TAFA1: variants seen among roughly 807,000 people sequenced by gnomAD.
TAFA1 encodes the protein TAFA chemokine like family member 1, also known as chemokine-like protein TAFA-1.
Under a neutral mutation model 18.5 loss-of-function variants are expected in TAFA1, and 4 were observed. That is an observed-to-expected ratio of 0.22 (90% CI 0.11 to 0.49). The LOEUF (loss-of-function observed/expected upper bound fraction) is 0.49. Among genes scored for constraint, TAFA1 ranks in the 20% least tolerant of loss-of-function variants. TAFA1 has a pLI of 0.98. For missense variants in TAFA1, 147 were observed against 169.0 expected, an observed-to-expected ratio of 0.87 and a Z score of 0.72; for synonymous variants, 56 against 55.2, an observed-to-expected ratio of 1.01 and a Z score of -0.06.
At chr3:68,493,283 G>T (rs927995719) in intron 3 of TAFA1, among the ~76,000 whole-genome samples, 23 of 152,234 alleles carry the variant, frequency 1.5e-4, no homozygotes, top group African/African-American at 5.5e-4. Flanking sequence ...TTAGCATAAA[G>T]TCCTCAAGGT....
chr3:68,525,792 T>C (rs1432747170), intron 3 of TAFA1, among the ~76,000 whole-genome samples: 1 of 152,174 alleles, frequency 6.6e-6, no homozygotes, highest in African/African-American at 2.4e-5. Context: ...AAGATATCAG[T>C]CTCCCCTAGA....
Position 68,067,889 on chromosome 3 carries a change from T to A in TAFA1, c.118+61145T>A, listed in dbSNP as rs560431568. Reference sequence around the variant, plus strand: ...GTAGAAAGACAGATTCATAAACAATTATAATAAGGAAAAATACTTACTCTA... The same window carrying A: ...GTAGAAAGACAGATTCATAAACAATAATAATAAGGAAAAATACTTACTCTA... On this transcript the variant is annotated intron_variant, in intron 2 of 4. Transcript: ENST00000478136. Among the ~76,000 whole-genome samples, 4 of 152,020 alleles carry A rather than the reference T, an allele frequency of 2.6e-5. No homozygotes were observed. The South Asian group carries it at 8.3e-4, about 32-fold the overall frequency.
intron 2 of TAFA1, among the ~76,000 whole-genome samples, chr3:68,131,096 C>T (rs2065530791): frequency 1.3e-5 from 2 of 152,158 alleles, no homozygotes. Flanking sequence ...GAAATAAGCA[C>T]ATAAGGAATG....
At chr3:68,390,778 G>A (rs1237087164) in intron 2 of TAFA1, among the ~76,000 whole-genome samples, 10 of 152,202 alleles carry the variant, frequency 6.6e-5, no homozygotes, top group Non-Finnish European at 1.3e-4. Flanking sequence ...CTGACTGTTA[G>A]AAGAAAAACT....
chr3:68,004,408 C>T lies in TAFA1; in HGVS notation c.-298C>T, dbSNP rs1226890694. The stretch of plus-strand genomic sequence containing the variant: ...CTCCCCATCACTTCAAAGGTCTCGT[C>T]AGGCAGAGGTGACGCCAGGAGATGA... On this transcript the variant is annotated 5_prime_UTR_variant, in exon 1 of 5. Coordinates refer to ENST00000478136, the MANE Select transcript of TAFA1 (RefSeq NM_213609.4). 1 of 152,146 alleles carries T rather than the reference C, an allele frequency of 6.6e-6. No homozygotes were observed. The highest frequency in any genetic ancestry group is 1.5e-5 in the Non-Finnish European group (1 of 68,030). The allele number at this position is 152,146 out of a possible 1,614,324, so 9.4% of individuals were successfully genotyped here.
intron 2 of TAFA1, among the ~76,000 whole-genome samples, chr3:68,396,077 A>G (rs2070378599): frequency 6.6e-6 from 1 of 152,078 alleles, no homozygotes; most frequent in African/African-American, 2.4e-5. Context: ...AAATGTTTGT[A>G]GATTTACTTT....
chr3:68,041,662 C>T (rs564898098), intron 2 of TAFA1, among the ~76,000 whole-genome samples: 2 of 152,330 alleles, frequency 1.3e-5, no homozygotes, highest in South Asian at 4.1e-4. Context: ...TGTGGAGAAG[C>T]AGGACAGTCA....
intron 2 of TAFA1, among the ~76,000 whole-genome samples, chr3:68,153,015 A>G (rs543953087): frequency 6.6e-6 from 1 of 152,220 alleles, no homozygotes; most frequent in South Asian, 2.1e-4. Flanking sequence ...CCCCAAAGGG[A>G]AGTTGAGTCT....
At chr3:68,174,574 C>T (rs1272102102) in intron 2 of TAFA1, among the ~76,000 whole-genome samples, 1 of 152,114 alleles carries the variant, frequency 6.6e-6, no homozygotes, top group Admixed American at 6.6e-5. Flanking sequence ...CTGCCCTAGA[C>T]ATTTGTGGAA....
At chr3:68,526,964 G>A (rs2073118994) in intron 3 of TAFA1, among the ~76,000 whole-genome samples, 1 of 152,028 alleles carries the variant, frequency 6.6e-6, no homozygotes, top group Non-Finnish European at 1.5e-5. Context: ...AAACTTTAGG[G>A]TCACTCTTAA....
intron 3 of TAFA1, among the ~76,000 whole-genome samples, chr3:68,502,782 C>T (rs2072680225): frequency 6.6e-6 from 1 of 151,994 alleles, no homozygotes; most frequent in Non-Finnish European, 1.5e-5. Context: ...CAGTTTTGAC[C>T]AGGTCTGAAG....
chr3:68,173,782 GCCCTT>G (rs1343715077), intron 2 of TAFA1, among the ~76,000 whole-genome samples: 2 of 151,966 alleles, frequency 1.3e-5, no homozygotes, highest in African/African-American at 4.8e-5. Context: ...TGTTTTTAGA[GCCCTT>G]CCCTTCCCTT....
intron 2 of TAFA1, among the ~76,000 whole-genome samples, chr3:68,224,778 A>G (rs2066775375): frequency 6.6e-6 from 1 of 152,064 alleles, no homozygotes; most frequent in Non-Finnish European, 1.5e-5. Flanking sequence ...TAAATAGTCA[A>G]TAAGAGCAAA....
At chr3:68,305,210 T>C (rs957669628) in intron 2 of TAFA1, among the ~76,000 whole-genome samples, 2 of 149,496 alleles carry the variant, frequency 1.3e-5, no homozygotes, top group Non-Finnish European at 3.0e-5. Flanking sequence ...TGTTGTCACA[T>C]GGTGTTTTTC....
At chr3:68,498,479 A>T (rs1039104349) in intron 3 of TAFA1, among the ~76,000 whole-genome samples, 3 of 152,120 alleles carry the variant, frequency 2.0e-5, no homozygotes, top group Non-Finnish European at 2.9e-5. Flanking sequence ...ACAAAAGCAT[A>T]TTGTTGCTAA....
chr3:68,134,056 G>T (rs1263098630), intron 2 of TAFA1, among the ~76,000 whole-genome samples: 1 of 135,814 alleles, frequency 7.4e-6, no homozygotes, highest in Non-Finnish European at 1.5e-5. Flanking sequence ...TGACAAGTGT[G>T]ATGACAACTG....
intron 2 of TAFA1, among the ~76,000 whole-genome samples, chr3:68,123,860 G>A (rs887233540): frequency 1.9e-4 from 11 of 57,148 alleles, no homozygotes; most frequent in African/African-American, 6.2e-4. Flanking sequence ...CTCTGACAAA[G>A]AACAACACTT....
intron 3 of TAFA1, 157 bp downstream of exon 3, chr3:68,417,577 T>C (rs1213884617): frequency 3.4e-5 from 24 of 699,708 alleles, no homozygotes; most frequent in South Asian, 1.6e-4. Context: ...GTTTGAATTC[T>C]TTTTTCTCTG....
intron 2 of TAFA1, among the ~76,000 whole-genome samples, chr3:68,146,974 G>A (rs938289192): frequency 1.3e-5 from 2 of 150,532 alleles, no homozygotes; most frequent in African/African-American, 4.8e-5. Flanking sequence ...TTAGTGGAAA[G>A]AGAGAACAAG....
Sources: gnomAD v4.1 joint callset for allele counts (sites outside exome capture counted in the v4.1 genomes callset) on GRCh38, gnomAD v4.1.1 for gene constraint, MANE v1.5 for transcripts, NCBI Gene and HGNC (gene_info 2026-07-23, HGNC 2026-07-21) for gene names.